The following EFEMP1 variants were observed in gnomAD, a reference collection of about 807,000 sequenced individuals.
EFEMP1 encodes EGF-containing fibulin-like extracellular matrix protein 1.
A neutral mutation model predicts 65.7 loss-of-function variants in EFEMP1; 18 were observed. The ratio of observed to expected loss-of-function variants is 0.27; its 90% CI spans 0.19 to 0.41. The LOEUF (loss-of-function observed/expected upper bound fraction) is 0.41. Ranked by LOEUF, EFEMP1 falls within the 10% of genes least tolerant of loss-of-function variation. The pLI is 1.00. For missense variants in EFEMP1, 469 were observed against 624.8 expected (o/e 0.75, Z 2.66); for synonymous variants, 237 against 219.7 (o/e 1.08, Z -0.70).
intron 5 of EFEMP1, among the ~76,000 whole-genome samples, chr2:55,893,344 AC>A (rs1669704109): frequency 6.6e-6 from 1 of 152,096 alleles, no homozygotes; most frequent in Non-Finnish European, 1.5e-5. Context: ...TCAGGGGAGG[AC>A]TTGTTGATCT....
At position 55,916,655 on chromosome 2, in the gene EFEMP1, C is replaced by T. The variant is rs1477846820; in HGVS notation, c.517+1010G>A. On this transcript the variant is annotated intron_variant, in intron 5 of 11. Transcript: ENST00000355426. The stretch of plus-strand genomic sequence containing the variant: ...TCCATTGGCCCACGTGTGCCATACA[C>T]GTATGTGGTGGTGACATGGAGTTCT... Among the ~76,000 whole-genome samples, 3 of 152,156 alleles carry T rather than the reference C, an allele frequency of 2.0e-5. No individual in the cohort carries two copies. In the South Asian group the frequency reaches 6.2e-4, roughly 32 times the overall value.
intron 5 of EFEMP1, among the ~76,000 whole-genome samples, chr2:55,912,640 A>T (rs1284107042): frequency 6.6e-6 from 1 of 152,200 alleles, no homozygotes; most frequent in East Asian, 1.9e-4. Context: ...TTTAAATTTG[A>T]ACCCTATGTA....
chr2:55,877,638 G>T lies in EFEMP1; in HGVS notation c.760+108C>A. On this transcript the variant is annotated intron_variant, in intron 7 of 11. Coordinates refer to ENST00000355426, the MANE Select transcript of EFEMP1 (RefSeq NM_001039348.3). The surrounding 1 kb of genome is among the most constrained non-coding windows in gnomAD (Gnocchi z 4.5). The stretch of plus-strand genomic sequence containing the variant: ...TAAGCTTTATGATTGCTGAAGGGAA[G>T]TCGATGGAAACTATTTACTCAAGAA... 1 of 1,513,472 alleles carries T rather than the reference G, an allele frequency of 6.6e-7. No homozygotes were observed. 93.8% of individuals were successfully genotyped at this position (1,513,472 alleles called of 1,614,324 possible). A position where few individuals can be genotyped will look rare whatever the true frequency, so the allele number is the denominator to read the frequency against.
chr2:55,891,663 T>C (rs1242851369), intron 5 of EFEMP1, among the ~76,000 whole-genome samples: 1 of 152,100 alleles, frequency 6.6e-6, no homozygotes, highest in Non-Finnish European at 1.5e-5. Flanking sequence ...AAAGGTTTCA[T>C]TGTAAGTGGT....
rs371145713 is a variant in EFEMP1, at chr2:55,919,332, G to C, written c.82-1065C>G. ...CTTTATTGTGTCTAAGGATCATTCA[G>C]GGTTCTTGTTAAAATGAAGATTCCT... On this transcript the variant is annotated intron_variant, in intron 3 of 11. Coordinates refer to ENST00000355426, the MANE Select transcript of EFEMP1 (RefSeq NM_001039348.3). This position sits in a 1 kb window ranked among gnomAD's most constrained non-coding sequence, Gnocchi z 4.5. 7.9e-5 allele frequency among the ~76,000 whole-genome samples: 12 copies of C among 152,174 alleles called. No homozygotes were observed. In the East Asian group the frequency reaches 1.9e-3, roughly 24 times the overall value.
chr2:55,897,327 C>T (rs1669866426), intron 5 of EFEMP1, among the ~76,000 whole-genome samples: 1 of 152,108 alleles, frequency 6.6e-6, no homozygotes, highest in South Asian at 2.1e-4. Flanking sequence ...TGCTATCTCC[C>T]CAGCTGTAAC....
Position 55,919,377 on chromosome 2 carries a change from G to C in EFEMP1, c.82-1110C>G, listed in dbSNP as rs1465014744. 6.6e-6 allele frequency among the ~76,000 whole-genome samples: 1 copy of C among 152,046 alleles called. No individual in the cohort carries two copies. The highest frequency in any genetic ancestry group is 2.4e-5 in the African/African-American group (1 of 41,398). On this transcript the variant is annotated intron_variant, in intron 3 of 11. Transcript: ENST00000355426. The surrounding 1 kb of genome is among the most constrained non-coding windows in gnomAD (Gnocchi z 4.5). ...ATTCCTGGGCCCACCCAAAGGATTT[G>C]ATTCTGTAGGTCTGGGTAGGGGGCC...
chr2:55,906,688 C>A (rs1478451286), intron 5 of EFEMP1, among the ~76,000 whole-genome samples: 1 of 152,140 alleles, frequency 6.6e-6, no homozygotes, highest in Non-Finnish European at 1.5e-5. Context: ...AATTTTCTGC[C>A]TTGCTTGTTG....
intron 5 of EFEMP1, among the ~76,000 whole-genome samples, chr2:55,900,025 C>T (rs1158023384): frequency 6.6e-6 from 1 of 152,012 alleles, no homozygotes; most frequent in Non-Finnish European, 1.5e-5. Flanking sequence ...CAGATGGATT[C>T]AGTCATAGAA....
chr2:55,906,222 C>CTT (rs577782138), intron 5 of EFEMP1, among the ~76,000 whole-genome samples: 8 of 129,762 alleles, frequency 6.2e-5, no homozygotes, highest in African/African-American at 1.5e-4. Context: ...AGCCCTGCAT[C>CTT]TTTTTTTTTT....
intron 5 of EFEMP1, among the ~76,000 whole-genome samples, chr2:55,892,786 G>A (rs1669680017): frequency 6.6e-6 from 1 of 152,056 alleles, no homozygotes; most frequent in Non-Finnish European, 1.5e-5. Flanking sequence ...AAAGGTTGAT[G>A]CCAAACTAAG....
chr2:55,922,402 C>A lies in EFEMP1; in HGVS notation c.39G>T (p.Ala13=), dbSNP rs767292073. 1.9e-5 allele frequency: 30 copies of A among 1,613,764 alleles called. No homozygotes were observed. Among genetic ancestry groups the A allele is most frequent in the Non-Finnish European group, 2.4e-5 (28 of 1,179,888 alleles). ...CTTCGGTGTCCTGTGACTTGACCAG[C>A]GCCAGAGTCAGCATAGTTAGGAAAA... The part of the protein sequence containing the change: ...KALFLTMLTL[A]LVKSQDTEET... The change falls in exon 3 of 12, where the codon GCG becomes GCT. Residue 13 remains alanine (A), a synonymous_variant. Transcript: ENST00000355426. The surrounding 1 kb of genome is among the most constrained non-coding windows in gnomAD (Gnocchi z 5.5).
chr2:55,913,030 T>C (rs1022205977), intron 5 of EFEMP1, among the ~76,000 whole-genome samples: 2 of 152,244 alleles, frequency 1.3e-5, no homozygotes, highest in Non-Finnish European at 2.9e-5. Context: ...AGAAAGACTC[T>C]GTCCAACTAC....
chr2:55,913,050 A>T lies in EFEMP1; in HGVS notation c.517+4615T>A, dbSNP rs148553457. On this transcript the variant is annotated intron_variant, in intron 5 of 11. Transcript: ENST00000355426. Reference sequence around the variant, plus strand: ...GACTCTGTCCAACTACTTAAAAATCAATGCAGTTTGTCTTTTGAAAGTACA... The same window carrying T: ...GACTCTGTCCAACTACTTAAAAATCTATGCAGTTTGTCTTTTGAAAGTACA... 2.6e-5 allele frequency among the ~76,000 whole-genome samples: 4 copies of T among 152,362 alleles called. No individual in the cohort carries two copies. In the East Asian group the frequency reaches 7.7e-4, roughly 29 times the overall value.
Position 55,873,512 on chromosome 2 carries a change from T to C in EFEMP1, c.1000+1434A>G, listed in dbSNP as rs1280182844. 1.3e-5 allele frequency among the ~76,000 whole-genome samples: 2 copies of C among 152,084 alleles called. No individual in the cohort carries two copies. The highest frequency in any genetic ancestry group is 4.8e-5 in the African/African-American group (2 of 41,442). On this transcript the variant is annotated intron_variant, in intron 9 of 11. Transcript: ENST00000355426. This position sits in a 1 kb window ranked among gnomAD's most constrained non-coding sequence, Gnocchi z 4.6. The stretch of plus-strand genomic sequence containing the variant: ...CAATTTTTGATCAGAAACACATAGA[T>C]ATTTGTTTGAAGGACTCCAGAGAAA...
chr2:55,899,734 C>T (rs1669962277), intron 5 of EFEMP1, among the ~76,000 whole-genome samples: 1 of 152,150 alleles, frequency 6.6e-6, no homozygotes, highest in African/African-American at 2.4e-5. Context: ...CCATATCCCT[C>T]TTCCCTTCTA....
intron 5 of EFEMP1, among the ~76,000 whole-genome samples, chr2:55,897,363 C>T (rs188696121): frequency 5.0e-4 from 74 of 149,052 alleles, no homozygotes; most frequent in East Asian, 2.0e-4. Context: ...AATTTTTCCC[C>T]GATCTTATTC....
rs909679917 is a variant in EFEMP1, at chr2:55,885,941, T to C, written c.518-4207A>G. Among the ~76,000 whole-genome samples the C allele has an allele frequency of 2.0e-5, 3 of 152,202 alleles. No homozygotes were observed. Among genetic ancestry groups the C allele is most frequent in the East Asian group, 1.9e-4 (1 of 5,204 alleles). ...TTATGCAACATTTTAATCTCTGCAATGTTCTTTCCATAATTTGATAACTTA... is the reference window on the plus strand; with the variant it reads ...TTATGCAACATTTTAATCTCTGCAACGTTCTTTCCATAATTTGATAACTTA... On this transcript the variant is annotated intron_variant, in intron 5 of 11. Coordinates refer to ENST00000355426, the MANE Select transcript of EFEMP1 (RefSeq NM_001039348.3). The surrounding 1 kb of genome is among the most constrained non-coding windows in gnomAD (Gnocchi z 4.3).
chr2:55,893,256 T>C (rs1027416953), intron 5 of EFEMP1, among the ~76,000 whole-genome samples: 3 of 152,212 alleles, frequency 2.0e-5, no homozygotes, highest in Non-Finnish European at 4.4e-5. Flanking sequence ...TAGTTGCTTA[T>C]GCTAGCTTTT....
Sources: gnomAD v4.1 joint callset for allele counts (sites outside exome capture counted in the v4.1 genomes callset) on GRCh38, gnomAD v4.1.1 for gene constraint, Gnocchi (gnomAD v3.1) non-coding constraint, MANE v1.5 for transcripts, NCBI Gene and HGNC (gene_info 2026-07-23, HGNC 2026-07-21) for gene names.